LNX1: variants seen among roughly 807,000 people sequenced by gnomAD.
LNX1 encodes the protein ligand of numb-protein X 1, also known as E3 ubiquitin-protein ligase LNX.
LNX1 carries 54 observed loss-of-function variants against 68.4 expected under a neutral mutation model. The observed-to-expected ratio is 0.79, with a 90% CI of 0.63 to 0.99. The LOEUF (loss-of-function observed/expected upper bound fraction) is 0.99, where lower values mean the gene tolerates loss of function less well. LNX1 is among the 50% of genes least tolerant of loss of function. The pLI is 0.00. For missense variants in LNX1, 906 were observed against 926.4 expected (o/e 0.98, Z 0.29); for synonymous variants, 336 against 350.0 (o/e 0.96, Z 0.45).
chr4:53,594,659 C>A (rs528491893), upstream of LNX1, among the ~76,000 whole-genome samples: 2 of 152,160 alleles, frequency 1.3e-5, no homozygotes, highest in Admixed American at 1.3e-4. Flanking sequence ...TGGTTTTACC[C>A]CCCAAGATCA....
At chr4:53,481,665 C>A in intron 7 of LNX1, 55 bp downstream of exon 7, 1 of 1,570,030 alleles carries the variant, frequency 6.4e-7, no homozygotes, top group South Asian at 1.2e-5. Context: ...AAACAAGCAG[C>A]CTTCCCAAGA....
intron 2 of LNX1, among the ~76,000 whole-genome samples, chr4:53,570,802 C>T (rs13144237): frequency 0.15 from 21,828 of 150,512 alleles, 1,792 homozygotes; most frequent in East Asian, 0.32. Flanking sequence ...CTGAGGCGGG[C>T]GGATCACGAG....
At position 53,557,820 on chromosome 4, in the gene LNX1, C is replaced by T; in HGVS notation, c.380+15803G>A. 3.1e-6 allele frequency: 5 copies of T among 1,604,570 alleles called. No individual in the cohort carries two copies. The Admixed American group carries it at 5.0e-5, about 16-fold the overall frequency. Reference sequence around the variant, plus strand: ...AGCTAGGGAATGGACTCGGGTCCCACCCCCAACATACTAGGCACATAAACA... The same window carrying T: ...AGCTAGGGAATGGACTCGGGTCCCATCCCCAACATACTAGGCACATAAACA... On this transcript the variant is annotated intron_variant, in intron 2 of 10. Coordinates refer to ENST00000263925, the MANE Select transcript of LNX1 (RefSeq NM_001126328.3).
intron 1 of LNX1, among the ~76,000 whole-genome samples, chr4:53,583,552 GAA>G (rs35922375): frequency 1.3e-5 from 2 of 149,120 alleles, no homozygotes; most frequent in Non-Finnish European, 3.0e-5. Flanking sequence ...CAAAAATACA[GAA>G]AAAAAAAACC....
At chr4:53,481,593 G>A in intron 7 of LNX1, 127 bp downstream of exon 7, 3 of 1,120,996 alleles carry the variant, frequency 2.7e-6, no homozygotes, top group Non-Finnish European at 3.7e-6. Context: ...TGGGCTTTTA[G>A]TTTTACAAGT....
At chr4:53,464,198 A>AGTT (rs1017383456) in intron 9 of LNX1, among the ~76,000 whole-genome samples, 9 of 152,204 alleles carry the variant, frequency 5.9e-5, no homozygotes, top group South Asian at 2.1e-4. Flanking sequence ...TGTTCAGAAA[A>AGTT]GTTTAACTTC....
intron 6 of LNX1, among the ~76,000 whole-genome samples, chr4:53,494,880 C>T (rs1724940871): frequency 6.6e-6 from 1 of 152,116 alleles, no homozygotes; most frequent in Non-Finnish European, 1.5e-5. Flanking sequence ...GAACATTATA[C>T]CGGGTGAAAA....
At chr4:53,651,805 T>G (rs1339431391) in intron 1 of LNX1, among the ~76,000 whole-genome samples, 1 of 152,226 alleles carries the variant, frequency 6.6e-6, no homozygotes, top group African/African-American at 2.4e-5. Flanking sequence ...TAATGTCACA[T>G]AAACCCAGTT....
chr4:53,642,616 G>T (rs910320885), intron 1 of LNX1, among the ~76,000 whole-genome samples: 10 of 152,296 alleles, frequency 6.6e-5, no homozygotes, highest in African/African-American at 2.4e-4. Context: ...GAAAGAAAGA[G>T]CATTTTCTGG....
In LNX1 at chr4:53,632,915, C is replaced by T. The variant is rs552131501; in HGVS notation, c.-215+19253G>A. Among the ~76,000 whole-genome samples the T allele has an allele frequency of 1.6e-4, 25 of 152,344 alleles. No individual in the cohort carries two copies. In the East Asian group the frequency reaches 4.8e-3, roughly 29 times the overall value. ...TCTTACTCCCCTCCTCCTGATTACACTTCCTCAAGATATATCCTATGTACA... is the reference window on the plus strand; with the variant it reads ...TCTTACTCCCCTCCTCCTGATTACATTTCCTCAAGATATATCCTATGTACA... On this transcript the variant is annotated intron_variant, in intron 1 of 2. Transcript: ENST00000507168.
At chr4:53,592,770 T>G (rs150270211), upstream of LNX1, among the ~76,000 whole-genome samples, 1 of 151,632 alleles carries the variant, frequency 6.6e-6, no homozygotes, top group Non-Finnish European at 1.5e-5. Context: ...GAAGGAAAAA[T>G]GGGAGAGGGA....
At chr4:53,484,866 T>C (rs1282522804) in intron 6 of LNX1, among the ~76,000 whole-genome samples, 2 of 152,082 alleles carry the variant, frequency 1.3e-5, no homozygotes, top group African/African-American at 2.4e-5. Context: ...AAAAAAGAAG[T>C]TGGAGTCCTC....
intron 5 of LNX1, among the ~76,000 whole-genome samples, chr4:53,496,952 T>A (rs1427658424): frequency 6.6e-6 from 1 of 152,178 alleles, no homozygotes; most frequent in East Asian, 1.9e-4. Flanking sequence ...GGAGTGTATG[T>A]GCGTGTGATA....
chr4:53,459,519 T>A lies in LNX1; in HGVS notation c.*1388A>T. On this transcript the variant is annotated 3_prime_UTR_variant, in exon 11 of 11. Transcript: ENST00000263925. The stretch of plus-strand genomic sequence containing the variant: ...CTATAAATCTTGTTATTTTTCTGGA[T>A]AATGTTTAAGAAATTTACCTTAAAT... 6.3e-7 allele frequency: 1 copy of A among 1,598,048 alleles called. No homozygotes were observed. Among genetic ancestry groups the A allele is most frequent in the East Asian group, 2.2e-5 (1 of 44,792 alleles).
rs537307984 is a variant in LNX1 at position 53,582,796 on chromosome 4, G to C, written c.-87+8592C>G. ...CAGAATGGTTGCTTAGTTTCAAACT[G>C]GTCACTGGGGTGACAGCTCAGTGCA... On this transcript the variant is annotated intron_variant, in intron 1 of 10. Transcript: ENST00000263925. Among the ~76,000 whole-genome samples the C allele has an allele frequency of 2.3e-4, 35 of 151,970 alleles. No homozygotes were observed. The East Asian group carries it at 6.8e-3, about 29-fold the overall frequency.
intron 1 of LNX1, among the ~76,000 whole-genome samples, chr4:53,629,725 T>C (rs1315590705): frequency 6.6e-6 from 1 of 152,166 alleles, no homozygotes; most frequent in Non-Finnish European, 1.5e-5. Context: ...TCAGAGGTGG[T>C]AGGGTGGATG....
At chr4:53,585,078 C>A (rs2109807022) in intron 1 of LNX1, among the ~76,000 whole-genome samples, 1 of 152,248 alleles carries the variant, frequency 6.6e-6, no homozygotes, top group South Asian at 2.1e-4. Flanking sequence ...CTTTGAAAAC[C>A]CGTACCTGGA....
chr4:53,459,481 C>A lies in LNX1; in HGVS notation c.*1426G>T, dbSNP rs1259962735. 2 of 1,612,328 alleles carry A rather than the reference C, an allele frequency of 1.2e-6. No individual in the cohort carries two copies. The highest frequency in any genetic ancestry group is 2.7e-5 in the African/African-American group (2 of 74,726). Reference sequence around the variant, plus strand: ...TTTTGGCCTTTTGTGTATATTAGTACCAGAAGTAGATACTATAAATCTTGT... The same window carrying A: ...TTTTGGCCTTTTGTGTATATTAGTAACAGAAGTAGATACTATAAATCTTGT... On this transcript the variant is annotated 3_prime_UTR_variant, in exon 11 of 11. Coordinates refer to ENST00000263925, the MANE Select transcript of LNX1 (RefSeq NM_001126328.3).
chr4:53,464,535 A>G (rs1722515024), intron 9 of LNX1, among the ~76,000 whole-genome samples: 1 of 57,852 alleles, frequency 1.7e-5, no homozygotes, highest in African/African-American at 6.1e-5. Flanking sequence ...TTATAAACTC[A>G]TAATTCTGTG....
Sources: allele counts gnomAD v4.1 joint callset (sites outside exome capture counted in the v4.1 genomes callset), GRCh38; gene constraint gnomAD v4.1.1; transcripts MANE v1.5; gene names NCBI Gene and HGNC (gene_info 2026-07-23, HGNC 2026-07-21).